The following RBFOX1 variants were observed in gnomAD, a reference collection of about 807,000 sequenced individuals.
The protein encoded by RBFOX1 is RNA binding protein fox-1 homolog 1.
In RBFOX1, 8 loss-of-function variants were observed where a neutral mutation model predicts 57.7. The observed-to-expected ratio is 0.14, with a 90% confidence interval of 0.08 to 0.25. The LOEUF (loss-of-function observed/expected upper bound fraction) is 0.25, where lower values mean the gene tolerates loss of function less well. Ranked by LOEUF, RBFOX1 falls within the 10% of genes least tolerant of loss-of-function variation. The pLI is 1.00. For missense variants in RBFOX1, 611 were observed against 548.5 expected, an observed-to-expected ratio of 1.11 and a Z score of -1.14; for synonymous variants, 326 against 222.4, an observed-to-expected ratio of 1.47 and a Z score of -4.15.
chr16:6,570,109 A>G (rs1011750234), intron 2 of RBFOX1, among the ~76,000 whole-genome samples: 13 of 152,356 alleles, frequency 8.5e-5, no homozygotes, highest in African/African-American at 2.4e-5. Context: ...ATAATGGACT[A>G]CAGAGCCATG....
chr16:6,397,290 A>G (rs1273949020), intron 2 of RBFOX1, among the ~76,000 whole-genome samples: 1 of 152,208 alleles, frequency 6.6e-6, no homozygotes, highest in Non-Finnish European at 1.5e-5. Context: ...CTTGAAAACA[A>G]TCAGAGTGAA....
At chr16:6,250,653 G>T (rs1173248750) in intron 1 of RBFOX1, among the ~76,000 whole-genome samples, 1 of 152,120 alleles carries the variant, frequency 6.6e-6, no homozygotes. Context: ...GTTTAGATTG[G>T]TTCTCTGCAC....
chr16:7,194,517 A>T (rs1342546929), intron 4 of RBFOX1, among the ~76,000 whole-genome samples: 1 of 152,194 alleles, frequency 6.6e-6, no homozygotes, highest in Non-Finnish European at 1.5e-5. Context: ...TTCAAAATGT[A>T]CATTTAAATT....
At chr16:7,151,693 C>T (rs1053558760) in intron 4 of RBFOX1, among the ~76,000 whole-genome samples, 3 of 151,980 alleles carry the variant, frequency 2.0e-5, no homozygotes, top group East Asian at 1.9e-4. Context: ...GAAATAATTA[C>T]ACAACTCACC....
chr16:6,926,569 T>C (rs2075626637), intron 3 of RBFOX1, among the ~76,000 whole-genome samples: 1 of 152,200 alleles, frequency 6.6e-6, no homozygotes, highest in African/African-American at 2.4e-5. Context: ...TCCTGCAGGC[T>C]CTGCCTTTGA....
intron 2 of RBFOX1, among the ~76,000 whole-genome samples, chr16:6,432,469 C>G (rs985566050): frequency 2.0e-5 from 3 of 147,888 alleles, no homozygotes; most frequent in African/African-American, 7.5e-5. Context: ...GTCAGGAGTT[C>G]AAGACCAGCC....
intron 3 of RBFOX1, among the ~76,000 whole-genome samples, chr16:5,800,437 A>G (rs1053624600): frequency 1.3e-5 from 2 of 152,184 alleles, no homozygotes; most frequent in African/African-American, 4.8e-5. Context: ...GGTTGTGAAC[A>G]GGCTCTGCAC....
At chr16:7,355,722 A>C (rs192536462) in intron 4 of RBFOX1, among the ~76,000 whole-genome samples, 1 of 152,188 alleles carries the variant, frequency 6.6e-6, no homozygotes, top group Non-Finnish European at 1.5e-5. Flanking sequence ...GGCTTTGCCA[A>C]TTCTTACACA....
intron 1 of RBFOX1, among the ~76,000 whole-genome samples, chr16:6,137,849 A>G (rs1461379547): frequency 6.6e-6 from 1 of 151,994 alleles, no homozygotes; most frequent in Non-Finnish European, 1.5e-5. Flanking sequence ...GGCTCCAGTA[A>G]TCCTCCTGCC....
At chr16:5,670,330 CAGTCAA>C (rs962790876) in intron 3 of RBFOX1, among the ~76,000 whole-genome samples, 1 of 152,144 alleles carries the variant, frequency 6.6e-6, no homozygotes, top group African/African-American at 2.4e-5. Flanking sequence ...CATTTCACCA[CAGTCAA>C]AATAAATATT....
intron 3 of RBFOX1, among the ~76,000 whole-genome samples, chr16:6,837,134 A>G (rs958627345): frequency 9.2e-5 from 14 of 152,370 alleles, no homozygotes; most frequent in African/African-American, 3.1e-4. Flanking sequence ...CAAACAGTAC[A>G]GTTTTAAGTT....
intron 4 of RBFOX1, among the ~76,000 whole-genome samples, chr16:7,117,482 T>C (rs1284328059): frequency 6.6e-6 from 1 of 152,100 alleles, no homozygotes; most frequent in Non-Finnish European, 1.5e-5. Context: ...ACTTAATGTG[T>C]GAGTTTAGGA....
intron 1 of RBFOX1, among the ~76,000 whole-genome samples, chr16:6,136,950 G>A (rs953121924): frequency 2.6e-5 from 4 of 152,104 alleles, no homozygotes; most frequent in Admixed American, 2.6e-4. Context: ...GGAGGATAAC[G>A]AACCATAAAG....
At chr16:5,842,362 C>G (rs1298433274) in intron 3 of RBFOX1, among the ~76,000 whole-genome samples, 2 of 152,144 alleles carry the variant, frequency 1.3e-5, no homozygotes, top group African/African-American at 4.8e-5. Flanking sequence ...ATTTTGTTCT[C>G]TCTGTGGGAA....
chr16:5,970,354 A>T (rs2059938110), intron 4 of RBFOX1, among the ~76,000 whole-genome samples: 1 of 152,046 alleles, frequency 6.6e-6, no homozygotes, highest in African/African-American at 2.4e-5. Flanking sequence ...AATATTAAAC[A>T]CGTGTTTCTG....
At chr16:5,904,162 G>A (rs911178330) in intron 4 of RBFOX1, among the ~76,000 whole-genome samples, 1 of 152,132 alleles carries the variant, frequency 6.6e-6, no homozygotes, top group African/African-American at 2.4e-5. Context: ...GCAATGCCTG[G>A]TGTATGCACA....
intron 4 of RBFOX1, among the ~76,000 whole-genome samples, chr16:5,916,414 C>G (rs574881542): frequency 6.8e-4 from 104 of 152,264 alleles, no homozygotes; most frequent in African/African-American, 2.4e-3. Flanking sequence ...CTTTCCCAAT[C>G]TCTTTGCTCA....
chr16:6,691,248 C>T (rs545630425), intron 3 of RBFOX1, among the ~76,000 whole-genome samples: 65 of 152,184 alleles, frequency 4.3e-4, no homozygotes, highest in African/African-American at 1.4e-3. Flanking sequence ...AAATTATTCC[C>T]GTGTCTATAC....
intron 4 of RBFOX1, among the ~76,000 whole-genome samples, chr16:5,905,936 C>G (rs1268826563): frequency 1.3e-5 from 2 of 152,182 alleles, no homozygotes; most frequent in African/African-American, 4.8e-5. Flanking sequence ...GTTTTCAGCT[C>G]TCTTGTAGTG....
Sources: gnomAD v4.1 joint callset for allele counts (sites outside exome capture counted in the v4.1 genomes callset) on GRCh38, gnomAD v4.1.1 for gene constraint, MANE v1.5 for transcripts, NCBI Gene and HGNC (gene_info 2026-07-23, HGNC 2026-07-21) for gene names.